TIMP2: variants seen among roughly 807,000 people sequenced by gnomAD.
TIMP2 encodes the protein metalloproteinase inhibitor 2.
TIMP2 carries 5 observed loss-of-function variants against 24.3 expected under a neutral mutation model. The observed-to-expected ratio is 0.21, with a 90% confidence interval of 0.11 to 0.43. The LOEUF (loss-of-function observed/expected upper bound fraction) is 0.43, where lower values mean the gene tolerates loss of function less well. Ranked by LOEUF, TIMP2 falls within the 20% of genes least tolerant of loss-of-function variation. The probability of loss-of-function intolerance (pLI) is 1.00; values close to 1 mark genes in which losing one functional copy is unlikely to be tolerated. For missense variants in TIMP2, 221 were observed against 297.5 expected, an observed-to-expected ratio of 0.74 and a Z score of 1.89; for synonymous variants, 130 against 123.2, an observed-to-expected ratio of 1.06 and a Z score of -0.37.
At chr17:78,877,088 T>G (rs2069734358) in intron 1 of TIMP2, among the ~76,000 whole-genome samples, 1 of 152,214 alleles carries the variant, frequency 6.6e-6, no homozygotes, top group Non-Finnish European at 1.5e-5. Context: ...TCACTAACTC[T>G]TTGCCAGATG....
In TIMP2 at chr17:78,918,985, A is replaced by C. The variant is rs976264347; in HGVS notation, c.130+5974T>G. Among the ~76,000 whole-genome samples, 175 of 152,110 alleles carry C rather than the reference A, an allele frequency of 1.2e-3. No individual in the cohort carries two copies. The East Asian group carries it at 0.021, about 18-fold the overall frequency. ...ACACAGCAAGACTCCGTCTCAAAAA[A>C]AAAAAAAAAAATTATATTTGGAGTA... On this transcript the variant is annotated intron_variant, in intron 1 of 4. Transcript: ENST00000262768.
intron 1 of TIMP2, among the ~76,000 whole-genome samples, chr17:78,913,835 C>T (rs193005147): frequency 7.2e-6 from 1 of 139,614 alleles, no homozygotes; most frequent in East Asian, 2.1e-4. Context: ...GAGGTTGCAG[C>T]GAACCAAGAT....
chr17:78,923,219 A>C (rs1031454314), intron 1 of TIMP2, among the ~76,000 whole-genome samples: 6 of 152,016 alleles, frequency 3.9e-5, no homozygotes, highest in Admixed American at 3.9e-4. Flanking sequence ...TGCTGCGCTG[A>C]GCATGAAGGA....
intron 3 of TIMP2, among the ~76,000 whole-genome samples, chr17:78,861,061 T>C (rs2069563688): frequency 1.3e-5 from 2 of 150,712 alleles, no homozygotes; most frequent in South Asian, 2.1e-4. Flanking sequence ...CAAAATTAGA[T>C]ATATAACTTT....
At position 78,891,772 on chromosome 17, in the gene TIMP2, C is replaced by A. The variant is rs59666014; in HGVS notation, c.131-17853G>T. On this transcript the variant is annotated intron_variant, in intron 1 of 4. Transcript: ENST00000262768. The surrounding 1 kb of genome is among the most constrained non-coding windows in gnomAD (Gnocchi z 4.5). ...ACCTTTCTAGGTCCGCCCCTTTGCT[C>A]CTCCGAGGATGGATGGCACAGCGGC... The A allele has an allele frequency of 1.7e-3, 2,616 of 1,551,206 alleles. 60 individuals carry two copies. In the East Asian group the frequency reaches 0.047, roughly 28 times the overall value.
At chr17:78,878,107 C>T (rs1448555416) in intron 1 of TIMP2, among the ~76,000 whole-genome samples, 1 of 152,200 alleles carries the variant, frequency 6.6e-6, no homozygotes, top group Non-Finnish European at 1.5e-5. Flanking sequence ...GCAAAGATTA[C>T]TTCAAAACGG....
intron 1 of TIMP2, among the ~76,000 whole-genome samples, chr17:78,878,716 C>G (rs901556974): frequency 6.6e-6 from 1 of 150,894 alleles, no homozygotes; most frequent in Non-Finnish European, 1.5e-5. Flanking sequence ...CAGATGCCTG[C>G]AGGGAAGTGG....
intron 2 of TIMP2, among the ~76,000 whole-genome samples, chr17:78,871,449 C>CAAAAAAAAAAA (rs749440079): frequency 8.2e-6 from 1 of 122,580 alleles, no homozygotes; most frequent in Non-Finnish European, 1.6e-5. Flanking sequence ...AAGACTCCGT[C>CAAAAAAAAAAA]AAAAAAAAAA....
chr17:78,913,322 T>C (rs1180375936), intron 1 of TIMP2, among the ~76,000 whole-genome samples: 1 of 152,188 alleles, frequency 6.6e-6, no homozygotes, highest in Non-Finnish European at 1.5e-5. Flanking sequence ...AAATTAGAGA[T>C]GATGGCTGTG....
At chr17:78,916,227 C>T (rs1334866304) in intron 1 of TIMP2, among the ~76,000 whole-genome samples, 1 of 152,144 alleles carries the variant, frequency 6.6e-6, no homozygotes, top group East Asian at 1.9e-4. Context: ...AGAGAGGCCA[C>T]CTGTCCCGGA....
intron 1 of TIMP2, chr17:78,892,298 G>C (rs1437313164): frequency 6.4e-7 from 1 of 1,550,568 alleles, no homozygotes; most frequent in African/African-American, 1.4e-5. Flanking sequence ...TTCGTTATCA[G>C]GACAGAGGCT....
chr17:78,858,960 G>C (rs2069546966), intron 3 of TIMP2, among the ~76,000 whole-genome samples: 1 of 152,186 alleles, frequency 6.6e-6, no homozygotes, highest in Non-Finnish European at 1.5e-5. Flanking sequence ...GATTACAGGT[G>C]TGAGCCACTG....
chr17:78,896,928 A>T lies in TIMP2; in HGVS notation c.131-23009T>A, dbSNP rs745586877. The T allele has an allele frequency of 7.3e-5, 72 of 985,184 alleles. No individual in the cohort carries two copies. The highest frequency in any genetic ancestry group is 8.6e-5 in the Non-Finnish European group (71 of 829,908). The allele number at this position is 985,184 out of a possible 1,614,324, so 61.0% of individuals were successfully genotyped here. ...GAATGTGCTTGGCCACCAGATTCCCAGCGATTCTCACCAAAGTCAGGCAAC... is the reference window on the plus strand; with the variant it reads ...GAATGTGCTTGGCCACCAGATTCCCTGCGATTCTCACCAAAGTCAGGCAAC... On this transcript the variant is annotated intron_variant, in intron 1 of 4. Coordinates refer to ENST00000262768, the MANE Select transcript of TIMP2 (RefSeq NM_003255.5). This position sits in a 1 kb window ranked among gnomAD's most constrained non-coding sequence, Gnocchi z 4.4.
intron 1 of TIMP2, among the ~76,000 whole-genome samples, chr17:78,890,113 CTCAATCAA>C (rs67408260): frequency 4.6e-5 from 7 of 151,874 alleles, no homozygotes; most frequent in African/African-American, 9.7e-5. Context: ...AAGACTCCGT[CTCAATCAA>C]TCAATCAATC....
At chr17:78,880,382 C>T (rs8082025) in intron 1 of TIMP2, among the ~76,000 whole-genome samples, 120,460 of 151,970 alleles carry the variant, frequency 0.79, 48,114 homozygotes, top group Admixed American at 0.83. Flanking sequence ...GGGAGACAGA[C>T]CCCAAAAGAA....
rs1308174604 is a variant in TIMP2 at position 78,924,466 on chromosome 17, G to C, written c.130+493C>G. The stretch of plus-strand genomic sequence containing the variant: ...GCTTCCATCCCACCCTGGCTTGATC[G>C]GGGAGCCCCCAAATGGGGCTGGTGG... On this transcript the variant is annotated intron_variant, in intron 1 of 4. Transcript: ENST00000262768. This position sits in a 1 kb window ranked among gnomAD's most constrained non-coding sequence, Gnocchi z 5.3. 1.3e-5 allele frequency among the ~76,000 whole-genome samples: 2 copies of C among 152,212 alleles called. 1 individual carries two copies. The highest frequency in any genetic ancestry group is 2.9e-5 in the Non-Finnish European group (2 of 68,026).
chr17:78,908,977 AC>A (rs774116461), intron 1 of TIMP2, among the ~76,000 whole-genome samples: 2 of 152,058 alleles, frequency 1.3e-5, no homozygotes, highest in Non-Finnish European at 2.9e-5. Context: ...TGAGAGGAGC[AC>A]CCCCAGAAGA....
chr17:78,900,739 T>C (rs777754635), intron 1 of TIMP2, among the ~76,000 whole-genome samples: 7 of 152,164 alleles, frequency 4.6e-5, no homozygotes, highest in Admixed American at 2.6e-4. Flanking sequence ...TTTTAACAGC[T>C]TGCACAACTG....
chr17:78,857,828 G>T (rs539732804), intron 3 of TIMP2, among the ~76,000 whole-genome samples, 182 bp from the exon 4 acceptor site: 1 of 152,342 alleles, frequency 6.6e-6, no homozygotes, highest in Admixed American at 6.5e-5. Flanking sequence ...CCAGCACTTT[G>T]GGAGGCTGAG....
Sources: gnomAD v4.1 joint callset for allele counts (sites outside exome capture counted in the v4.1 genomes callset) on GRCh38, gnomAD v4.1.1 for gene constraint, Gnocchi (gnomAD v3.1) non-coding constraint, MANE v1.5 for transcripts, NCBI Gene and HGNC (gene_info 2026-07-23, HGNC 2026-07-21) for gene names.